PRPS1: variants seen among roughly 807,000 people sequenced by gnomAD.
The protein encoded by PRPS1 is phosphoribosyl pyrophosphate synthetase 1.
In PRPS1, 1 loss-of-function variant was observed where a neutral mutation model predicts 16.9. The ratio of observed to expected loss-of-function variants is 0.06; its 90% CI spans 0.02 to 0.28. PRPS1 has a LOEUF of 0.28. Ranked by LOEUF, PRPS1 falls within the 10% of genes least tolerant of loss-of-function variation. The probability of loss-of-function intolerance (pLI) is 1.00; values close to 1 mark genes in which losing one functional copy is unlikely to be tolerated. For synonymous variants in PRPS1, 70 were observed against 90.2 expected, an observed-to-expected ratio of 0.78 and a Z score of 1.27; for missense variants, 47 against 254.0, an observed-to-expected ratio of 0.19 and a Z score of 5.54.
At chrX:107,648,406 T>C (rs1490461267) in intron 6 of PRPS1, among the ~76,000 whole-genome samples, 1 of 109,451 alleles carries the variant, frequency 9.1e-6, no homozygotes, top group African/African-American at 3.4e-5. Flanking sequence ...TTAATATGTG[T>C]AATTGGAGGA....
chrX:107,631,013 G>A (rs754743556), intron 1 of PRPS1, among the ~76,000 whole-genome samples: 12 of 111,287 alleles, frequency 1.1e-4, no homozygotes, highest in Non-Finnish European at 2.3e-4. Context: ...TTTAGAACAC[G>A]GAAGGGAGAA....
At position 107,650,475 on chromosome X, in the gene PRPS1, A is replaced by C; in HGVS notation, c.*443A>C. ...TAAATTATAGCAAGAGCCCTGGGCAACCCCAAACCTAGTCCTGGTAGCTGA... is the reference window on the plus strand; with the variant it reads ...TAAATTATAGCAAGAGCCCTGGGCACCCCCAAACCTAGTCCTGGTAGCTGA... On this transcript the variant is annotated 3_prime_UTR_variant, in exon 7 of 7. Transcript: ENST00000372435. 3.4e-6 allele frequency: 1 copy of C among 294,773 alleles called. No homozygotes were observed. The highest frequency in any genetic ancestry group is 5.8e-6 in the Non-Finnish European group (1 of 172,600). 24.3% of individuals were successfully genotyped at this position (294,773 alleles called of 1,213,427 possible). A position where few individuals can be genotyped will look rare whatever the true frequency, so the allele number is the denominator to read the frequency against.
chrX:107,636,784 A>T (rs1925452592), intron 1 of PRPS1: 1 of 112,668 alleles, frequency 8.9e-6, no homozygotes, highest in African/African-American at 3.2e-5. Context: ...TGCCTCTGCC[A>T]GTTTTCATAT....
intron 5 of PRPS1, among the ~76,000 whole-genome samples, chrX:107,645,737 C>T (rs1409063900): frequency 9.0e-6 from 1 of 111,469 alleles, no homozygotes; most frequent in Non-Finnish European, 1.9e-5. Flanking sequence ...AAATAAAAAT[C>T]CTGAGCAGAC....
intron 1 of PRPS1, among the ~76,000 whole-genome samples, chrX:107,634,335 C>G (rs1259361356): frequency 9.1e-6 from 1 of 109,883 alleles, no homozygotes; most frequent in Non-Finnish European, 1.9e-5. Context: ...CTGCCTCAGC[C>G]TCCCGAGTAG....
chrX:107,636,208 C>T (rs956908865), intron 1 of PRPS1, among the ~76,000 whole-genome samples: 4 of 110,886 alleles, frequency 3.6e-5, no homozygotes, highest in South Asian at 3.8e-4. Flanking sequence ...CTGCAACCTC[C>T]GCCTCCCAGG....
chrX:107,639,563 A>G (rs1015038412), intron 2 of PRPS1, 85 bp downstream of exon 2: 1 of 958,135 alleles, frequency 1.0e-6, no homozygotes, highest in South Asian at 2.0e-5. Flanking sequence ...TATCAAATAT[A>G]TATTTAGGGG....
Position 107,650,186 on chromosome X carries a change from A to G in PRPS1, c.*154A>G, listed in dbSNP as rs1203475731. ...TATTAGAGCTTATCCGAACTGGGGA[A>G]AGACGGATTGAGATTAACTGCTGGG... On this transcript the variant is annotated 3_prime_UTR_variant, in exon 7 of 7. Coordinates refer to ENST00000372435, the MANE Select transcript of PRPS1 (RefSeq NM_002764.4). 3 of 1,029,219 alleles carry G rather than the reference A, an allele frequency of 2.9e-6. No homozygotes were observed. Among genetic ancestry groups the G allele is most frequent in the Non-Finnish European group, 3.9e-6 (3 of 765,038 alleles). The allele number at this position is 1,029,219 out of a possible 1,213,427, so 84.8% of individuals were successfully genotyped here. A position where few individuals can be genotyped will look rare whatever the true frequency, so the allele number is the denominator to read the frequency against.
chrX:107,638,120 TTTTA>T (rs1925483733), intron 1 of PRPS1, among the ~76,000 whole-genome samples: 1 of 108,656 alleles, frequency 9.2e-6, no homozygotes, highest in African/African-American at 3.3e-5. Flanking sequence ...TTTTTTTTAT[TTTTA>T]TTTGAGACGG....
chrX:107,641,956 T>C (rs1369780006), intron 3 of PRPS1, among the ~76,000 whole-genome samples: 1 of 112,723 alleles, frequency 8.9e-6, no homozygotes, highest in African/African-American at 3.2e-5. Context: ...TTCCATTAAG[T>C]TTATATGCCA....
intron 5 of PRPS1, among the ~76,000 whole-genome samples, chrX:107,647,084 G>T (rs1245013465): frequency 8.9e-6 from 1 of 112,641 alleles, no homozygotes; most frequent in Non-Finnish European, 1.9e-5. Flanking sequence ...TATATGTTGA[G>T]GCCTAACCCC....
intron 1 of PRPS1, among the ~76,000 whole-genome samples, chrX:107,635,875 A>G (rs185828952): frequency 1.9e-5 from 2 of 105,728 alleles, no homozygotes; most frequent in Admixed American, 2.0e-4. Context: ...CCTGGCCAAC[A>G]TGGTGAAACC....
At chrX:107,636,056 CAAAAAAAAA>C (rs965370775) in intron 1 of PRPS1, among the ~76,000 whole-genome samples, 2 of 43,302 alleles carry the variant, frequency 4.6e-5, no homozygotes, top group African/African-American at 1.8e-4. Context: ...GAGACTGTCT[CAAAAAAAAA>C]AAAAAAAAAA....
chrX:107,628,540 C>G lies in PRPS1; in HGVS notation c.-89C>G. The G allele has an allele frequency of 2.5e-6, 3 of 1,198,728 alleles. No individual in the cohort carries two copies. The highest frequency in any genetic ancestry group is 1.7e-5 in the African/African-American group (1 of 57,534). ...AAGATGGCGGAGTAGCAACGCAAAGCGCTTGGTATTGAGTCTGTGGCCGAC... is the reference window on the plus strand; with the variant it reads ...AAGATGGCGGAGTAGCAACGCAAAGGGCTTGGTATTGAGTCTGTGGCCGAC... On this transcript the variant is annotated 5_prime_UTR_variant, in exon 1 of 7. Coordinates refer to ENST00000372435, the MANE Select transcript of PRPS1 (RefSeq NM_002764.4).
In PRPS1 at chrX:107,628,586, C is replaced by A. The variant is rs1925238132; in HGVS notation, c.-43C>A. 1 of 1,209,372 alleles carries A rather than the reference C, an allele frequency of 8.3e-7. No homozygotes were observed. The highest frequency in any genetic ancestry group is 1.7e-5 in the African/African-American group (1 of 57,265). On this transcript the variant is annotated 5_prime_UTR_variant, in exon 1 of 7. Coordinates refer to ENST00000372435, the MANE Select transcript of PRPS1 (RefSeq NM_002764.4). ...CCGACTTCGGTTCCGGTCTCTGCAG[C>A]AGCCGTGATCGCTTAGTGGAGTGCT...
Position 107,650,363 on chromosome X carries a change from TA to T in PRPS1, c.*332del. The stretch of plus-strand genomic sequence containing the variant: ...GACTGGGGAAGCTCAGACTACTTTG[TA>T]TGTGAATGCTTCAGGGTTTTCTTTG... On this transcript the variant is annotated 3_prime_UTR_variant, in exon 7 of 7. Coordinates refer to ENST00000372435, the MANE Select transcript of PRPS1 (RefSeq NM_002764.4). 4.9e-6 allele frequency: 2 copies of T among 410,795 alleles called. No individual in the cohort carries two copies. The highest frequency in any genetic ancestry group is 7.8e-5 in the South Asian group (2 of 25,704). 33.9% of individuals were successfully genotyped at this position (410,795 alleles called of 1,213,427 possible). A position where few individuals can be genotyped will look rare whatever the true frequency, so the allele number is the denominator to read the frequency against.
intron 6 of PRPS1, among the ~76,000 whole-genome samples, chrX:107,648,289 A>C (rs1037676563): frequency 8.9e-6 from 1 of 112,251 alleles, no homozygotes; most frequent in Non-Finnish European, 1.9e-5. Context: ...ATTTTAAAGT[A>C]ATTCCCCAAG....
chrX:107,628,858 A>T (rs1453971839), intron 1 of PRPS1, 108 bp downstream of exon 1: 42 of 1,083,923 alleles, frequency 3.9e-5, no homozygotes, highest in East Asian at 9.5e-5. Context: ...TTGGGGGGAG[A>T]GGGTGCAGCT....
chrX:107,637,164 T>A (rs183283933), intron 1 of PRPS1, among the ~76,000 whole-genome samples: 2 of 111,732 alleles, frequency 1.8e-5, no homozygotes, highest in East Asian at 5.6e-4. Context: ...GAGAGGTGAT[T>A]TTTTTTTCTT....
Sources: gnomAD v4.1 joint callset for allele counts (sites outside exome capture counted in the v4.1 genomes callset) on GRCh38, gnomAD v4.1.1 for gene constraint, MANE v1.5 for transcripts, NCBI Gene and HGNC (gene_info 2026-07-23, HGNC 2026-07-21) for gene names.